COL24A1: variants seen among roughly 807,000 people sequenced by gnomAD.
COL24A1 encodes the protein collagen alpha-1(XXIV) chain.
A neutral mutation model predicts 253.9 loss-of-function variants in COL24A1; 224 were observed. The observed-to-expected ratio is 0.88, with a 90% CI of 0.79 to 0.99. The LOEUF is 0.99. Among genes scored for constraint, COL24A1 ranks in the 50% least tolerant of loss-of-function variants. The pLI is 0.00. For missense variants in COL24A1, 2,131 were observed against 2,068.5 expected (o/e 1.03, Z -0.59); for synonymous variants, 685 against 673.7 (o/e 1.02, Z -0.26).
At chr1:85,919,446 A>T (rs1686229971) in intron 24 of COL24A1, among the ~76,000 whole-genome samples, 1 of 152,228 alleles carries the variant, frequency 6.6e-6, no homozygotes, top group African/African-American at 2.4e-5. Flanking sequence ...TGGGAGGTTA[A>T]GGCAGGAGGA....
chr1:85,741,361 T>TA (rs1224857907), intron 57 of COL24A1, among the ~76,000 whole-genome samples: 1 of 152,206 alleles, frequency 6.6e-6, no homozygotes, highest in Non-Finnish European at 1.5e-5. Flanking sequence ...AGGAAAATGT[T>TA]ATCTTTTATA....
rs747412290 is a variant in COL24A1, at chr1:85,781,239, A to G, written c.4319T>C (p.Ile1440Thr). The G allele has an allele frequency of 6.2e-7, 1 of 1,607,508 alleles. No homozygotes were observed. The highest frequency in any genetic ancestry group is 1.7e-5 in the Admixed American group (1 of 59,398). ...NTGPLGREGI[I>T]GPTGRTGPRG... Reference sequence around the variant, plus strand: ...ACTTACAGTTCTACCTGTTGGGCCTATTATACCTTCTCTGCCAAGGGGACC... The same window carrying G: ...ACTTACAGTTCTACCTGTTGGGCCTGTTATACCTTCTCTGCCAAGGGGACC... Residue 1440 changes from isoleucine (I) to threonine (T), a missense_variant, in exon 52 of 60, where the codon ATA (isoleucine) becomes ACA (threonine). Transcript: ENST00000370571.
At position 85,860,862 on chromosome 1, in the gene COL24A1, C is replaced by T. The variant is rs377227992; in HGVS notation, c.3300+7657G>A. ...TGCACCATGTACTCGTACACCATTC[C>T]TTTTTATTGTCAAATAATATTTCGC... is the stretch of plus-strand genomic sequence containing the variant. On this transcript the variant is annotated intron_variant, in intron 37 of 59. Coordinates refer to ENST00000370571, the MANE Select transcript of COL24A1 (RefSeq NM_152890.7). Among the ~76,000 whole-genome samples, 335 of 152,316 alleles carry T rather than the reference C, an allele frequency of 2.2e-3. 5 individuals carry two copies. The highest frequency in any genetic ancestry group is 7.7e-3 in the African/African-American group (321 of 41,560).
At chr1:86,152,500 T>C (rs1652908633) in intron 1 of COL24A1, among the ~76,000 whole-genome samples, 1 of 152,208 alleles carries the variant, frequency 6.6e-6, no homozygotes, top group Non-Finnish European at 1.5e-5. Flanking sequence ...TCTCATTATA[T>C]ATATGCAAAT....
rs775624509 is a variant in COL24A1, at chr1:85,868,566, G to A, written c.3253C>T (p.Pro1085Ser). 9.9e-6 allele frequency: 16 copies of A among 1,613,688 alleles called. No homozygotes were observed. In the South Asian group the frequency reaches 1.2e-4, roughly 12 times the overall value. Residue 1085 changes from proline to serine, a missense_variant, in exon 37 of 60, where the codon CCA becomes TCA. Physicochemically the swap from Pro to Ser is moderately conservative, Grantham distance 74. Coordinates refer to ENST00000370571, the MANE Select transcript of COL24A1 (RefSeq NM_152890.7). ...CTACCCAAGGGTCCTATAATTCCTG[G>A]TAAGCCCATCTCTCCTTTTTCTCCA... is the stretch of plus-strand genomic sequence containing the variant. The part of the protein sequence containing the change: ...EDGEKGEMGL[P>S]GIIGPLGRSG...
At position 86,071,575 on chromosome 1, in the gene COL24A1, C is replaced by T. The variant is rs375504546; in HGVS notation, c.1708-7816G>A. ...AAAAGATATTCCATGCCAATGGAAA[C>T]GAAAAAAGAGCAAGAATAGCTATAC... On this transcript the variant is annotated intron_variant, in intron 7 of 59. Coordinates refer to ENST00000370571, the MANE Select transcript of COL24A1 (RefSeq NM_152890.7). Among the ~76,000 whole-genome samples the T allele has an allele frequency of 4.6e-5, 7 of 151,686 alleles. No homozygotes were observed. In the South Asian group the frequency reaches 1.0e-3, roughly 23 times the overall value.
At chr1:86,026,597 C>T (rs1489115762) in intron 14 of COL24A1, among the ~76,000 whole-genome samples, 1 of 152,186 alleles carries the variant, frequency 6.6e-6, no homozygotes, top group Non-Finnish European at 1.5e-5. Context: ...CCCAGCAATG[C>T]AGAACTGTGA....
At chr1:85,926,951 T>C (rs943520714) in intron 24 of COL24A1, among the ~76,000 whole-genome samples, 25 of 152,092 alleles carry the variant, frequency 1.6e-4, no homozygotes, top group African/African-American at 6.0e-4. Context: ...AGGATGAACA[T>C]TAAGACAAAT....
rs201507946 is a variant in COL24A1, at chr1:85,913,635, GTTACTGTGT to G, written c.2563-2211_2563-2203del. ...CCTGAATCAACAGCCAAAGAAGGGAGTTACTGTGTTGGCTATGTTGCTTAATTCTGCCTT... is the reference window on the plus strand; with the variant it reads ...CCTGAATCAACAGCCAAAGAAGGGAGTGGCTATGTTGCTTAATTCTGCCTT... On this transcript the variant is annotated intron_variant, in intron 24 of 59. Transcript: ENST00000370571. 8.5e-5 allele frequency among the ~76,000 whole-genome samples: 13 copies of G among 152,324 alleles called. No homozygotes were observed. The East Asian group carries it at 2.5e-3, about 29-fold the overall frequency.
chr1:85,796,205 G>C (rs992979279), intron 47 of COL24A1, among the ~76,000 whole-genome samples: 1 of 152,112 alleles, frequency 6.6e-6, no homozygotes, highest in African/African-American at 2.4e-5. Flanking sequence ...AGTGAAGACA[G>C]GTCTGTTTGA....
chr1:86,067,499 A>C (rs1701581816), intron 7 of COL24A1, among the ~76,000 whole-genome samples: 2 of 152,222 alleles, frequency 1.3e-5, no homozygotes, highest in Admixed American at 6.5e-5. Flanking sequence ...TGGATGAATG[A>C]ATGAATGGAT....
intron 53 of COL24A1, 57 bp downstream of exon 53, chr1:85,775,617 A>G (rs1400921061): frequency 5.7e-6 from 8 of 1,407,234 alleles, no homozygotes; most frequent in Non-Finnish European, 7.9e-6. Flanking sequence ...CCTTGCTTTC[A>G]TGGAGCTTAT....
chr1:86,057,395 C>A (rs1367522428), intron 10 of COL24A1, among the ~76,000 whole-genome samples: 1 of 152,030 alleles, frequency 6.6e-6, no homozygotes, highest in African/African-American at 2.4e-5. Context: ...TATAGTGATG[C>A]AAAAAGTGAC....
Position 86,011,985 on chromosome 1 carries a change from G to GT in COL24A1, c.2310+5165dup, listed in dbSNP as rs369676815. On this transcript the variant is annotated intron_variant, in intron 19 of 59. Coordinates refer to ENST00000370571, the MANE Select transcript of COL24A1 (RefSeq NM_152890.7). ...AGATTGGCCCTGGCAATCTGTGTGT[G>GT]TTTTTTCTTTTTAGTAGAGACAAAG... 1.3e-3 allele frequency among the ~76,000 whole-genome samples: 192 copies of GT among 152,144 alleles called. 1 individual carries two copies. Among genetic ancestry groups the GT allele is most frequent in the African/African-American group, 4.5e-3 (185 of 41,522 alleles).
intron 2 of COL24A1, among the ~76,000 whole-genome samples, chr1:86,144,695 T>C (rs536060880): frequency 7.2e-4 from 109 of 151,916 alleles, no homozygotes; most frequent in African/African-American, 2.5e-3. Context: ...GACTTTGCAG[T>C]CAAAATATGA....
At chr1:86,045,414 A>C (rs566302986) in intron 12 of COL24A1, among the ~76,000 whole-genome samples, 1 of 152,328 alleles carries the variant, frequency 6.6e-6, no homozygotes, top group Admixed American at 6.5e-5. Context: ...GAGAAGGGTG[A>C]AAATTTGAAG....
At chr1:85,819,755 G>T (rs1176515758) in intron 45 of COL24A1, among the ~76,000 whole-genome samples, 1 of 151,724 alleles carries the variant, frequency 6.6e-6, no homozygotes, top group African/African-American at 2.4e-5. Context: ...GGGAAAAGAA[G>T]AAGAAAAAGA....
At chr1:86,137,524 T>A (rs1446729112) in intron 2 of COL24A1, among the ~76,000 whole-genome samples, 1 of 152,144 alleles carries the variant, frequency 6.6e-6, no homozygotes, top group Non-Finnish European at 1.5e-5. Flanking sequence ...AAGGCCAACT[T>A]CTTAACATGG....
intron 47 of COL24A1, among the ~76,000 whole-genome samples, chr1:85,816,313 C>T (rs901536216): frequency 3.3e-5 from 5 of 151,974 alleles, no homozygotes; most frequent in African/African-American, 1.2e-4. Flanking sequence ...AGCTGATGGA[C>T]CTATTGCAAT....
Sources: gnomAD v4.1 joint callset for allele counts (sites outside exome capture counted in the v4.1 genomes callset) on GRCh38, gnomAD v4.1.1 for gene constraint, MANE v1.5 for transcripts, NCBI Gene and HGNC (gene_info 2026-07-23, HGNC 2026-07-21) for gene names.